The following MFF variants were observed in gnomAD, a reference collection of about 807,000 sequenced individuals.
MFF encodes chromosome 2 open reading frame 33.
In MFF, 12 loss-of-function variants were observed where a neutral mutation model predicts 36.9. The observed-to-expected ratio is 0.33, with a 90% confidence interval of 0.21 to 0.53. MFF has a LOEUF of 0.53. Among genes scored for constraint, MFF ranks in the 20% least tolerant of loss-of-function variants. MFF has a pLI of 0.95. For missense variants in MFF, 348 were observed against 366.6 expected, an observed-to-expected ratio of 0.95 and a Z score of 0.42; for synonymous variants, 99 against 126.2, an observed-to-expected ratio of 0.78 and a Z score of 1.44.
chr2:227,348,563 C>T (rs1428399385), intron 6 of MFF, among the ~76,000 whole-genome samples: 2 of 152,130 alleles, frequency 1.3e-5, no homozygotes, highest in African/African-American at 4.8e-5. Context: ...GGTTTAGACT[C>T]CCTTTTATGC....
intron 4 of MFF, among the ~76,000 whole-genome samples, chr2:227,337,778 G>A (rs538583072): frequency 6.6e-6 from 1 of 152,338 alleles, no homozygotes; most frequent in East Asian, 1.9e-4. Context: ...GCCAGGCACA[G>A]TGGCTCACAT....
chr2:227,341,700 T>A (rs1412422882), intron 5 of MFF, among the ~76,000 whole-genome samples: 4 of 152,160 alleles, frequency 2.6e-5, no homozygotes, highest in Non-Finnish European at 5.9e-5. Context: ...GGCTTCTTGA[T>A]CTGCTTTAGA....
At chr2:227,350,084 A>G (rs1320142742) in intron 6 of MFF, among the ~76,000 whole-genome samples, 1 of 152,108 alleles carries the variant, frequency 6.6e-6, no homozygotes, top group Non-Finnish European at 1.5e-5. Context: ...TTTTTTTCTT[A>G]CAAGAATGTA....
intron 3 of MFF, among the ~76,000 whole-genome samples, chr2:227,331,566 AAAACTGCT>A (rs1254590678): frequency 6.6e-6 from 1 of 152,226 alleles, no homozygotes; most frequent in African/African-American, 2.4e-5. Flanking sequence ...TCAACTTTGA[AAAACTGCT>A]AAACTGTTTT....
chr2:227,348,877 G>GT (rs777313689), intron 6 of MFF, among the ~76,000 whole-genome samples: 5 of 152,038 alleles, frequency 3.3e-5, no homozygotes, highest in Non-Finnish European at 5.9e-5. Context: ...ATTTAGTATG[G>GT]TAGGAGATCT....
chr2:227,343,621 A>AGTG (rs1026399826), intron 5 of MFF, among the ~76,000 whole-genome samples: 2 of 152,162 alleles, frequency 1.3e-5, no homozygotes, highest in Non-Finnish European at 2.9e-5. Context: ...TTTTTGGAAG[A>AGTG]GTGATACCTC....
At chr2:227,332,682 GTC>G (rs2074689672) in intron 4 of MFF, 94 bp downstream of exon 4, 2 of 879,668 alleles carry the variant, frequency 2.3e-6, no homozygotes, top group Non-Finnish European at 3.4e-6. Context: ...TTAGCAATAT[GTC>G]ATGAAAGCTT....
chr2:227,347,296 T>G lies in MFF; in HGVS notation c.511T>G (p.Ser171Ala). The G allele has an allele frequency of 6.2e-7, 1 of 1,613,826 alleles. No individual in the cohort carries two copies. Among genetic ancestry groups the G allele is most frequent in the Non-Finnish European group, 8.5e-7 (1 of 1,179,740 alleles). ...HMLPEDGANLSSARGILSLIQ... is the reference protein window; with the variant it reads ...HMLPEDGANLASARGILSLIQ... ...GTTACCTGAAGATGGAGCTAATCTT[T>G]CCTCTGCTCGTGGCATTTTGTCGCT... is the stretch of plus-strand genomic sequence containing the variant. Residue 171 changes from serine (S) to alanine (A), a missense_variant, in exon 6 of 9, where the codon TCC becomes GCC. Coordinates refer to ENST00000304593, the MANE Select transcript of MFF (RefSeq NM_001277062.2).
chr2:227,340,213 C>T lies in MFF; in HGVS notation c.352-79C>T, dbSNP rs4420693. 1,109,502 of 1,196,666 alleles carry T rather than the reference C, an allele frequency of 0.93. 517,327 individuals carry two copies. Among genetic ancestry groups the T allele is most frequent in the Non-Finnish European group, 0.96 (789,117 of 824,526 alleles). The allele number at this position is 1,196,666 out of a possible 1,614,324, so 74.1% of individuals were successfully genotyped here. A position where few individuals can be genotyped will look rare whatever the true frequency, so the allele number is the denominator to read the frequency against. On this transcript the variant is annotated intron_variant, in intron 4 of 8. Coordinates refer to ENST00000304593, the MANE Select transcript of MFF (RefSeq NM_001277062.2). The stretch of plus-strand genomic sequence containing the variant: ...GTAAGTTTTTTGAGTAGCCTTGTAT[C>T]GAGGTTCTTTTGATGCTAAGCAGCT...
At chr2:227,345,727 C>T (rs2075674155) in intron 5 of MFF, among the ~76,000 whole-genome samples, 1 of 152,042 alleles carries the variant, frequency 6.6e-6, no homozygotes, top group Non-Finnish European at 1.5e-5. Flanking sequence ...TTCTGGAATG[C>T]CTGGTATGGG....
chr2:227,356,273 G>A (rs200221694), intron 8 of MFF, among the ~76,000 whole-genome samples: 28 of 152,232 alleles, frequency 1.8e-4, no homozygotes, highest in Middle Eastern at 6.8e-3. Flanking sequence ...TTCTCATTGC[G>A]TCTATACCAA....
intron 4 of MFF, 84 bp downstream of exon 4, chr2:227,332,672 T>G: frequency 2.0e-6 from 2 of 987,602 alleles, no homozygotes; most frequent in Middle Eastern, 2.2e-4. Context: ...TATCATATCT[T>G]TAGCAATATG....
chr2:227,330,566 C>G, intron 2 of MFF, 60 bp from the exon 3 acceptor site: 1 of 1,147,028 alleles, frequency 8.7e-7, no homozygotes, highest in South Asian at 1.5e-5. Context: ...TCTAACTTCA[C>G]TGCGTAGAGG....
chr2:227,330,776 A>G lies in MFF; in HGVS notation c.111A>G (p.Glu37=), dbSNP rs534657083. 1.9e-6 allele frequency: 3 copies of G among 1,614,190 alleles called. No homozygotes were observed. The highest frequency in any genetic ancestry group is 1.7e-5 in the Admixed American group (1 of 60,030). The change falls in exon 3 of 9, where the codon GAA becomes GAG. Residue 37 remains glutamate (E), a synonymous_variant. Transcript: ENST00000304593. ...TAGCACCGCCAAACGCTGACCTGGA[A>G]CAAGGATTCCAAGAAGGAGTTCCAA... ...LKVAPPNADL[E]QGFQEGVPNA...
intron 5 of MFF, 29 bp from the exon 6 acceptor site, chr2:227,347,197 C>T: frequency 6.3e-7 from 1 of 1,592,478 alleles, no homozygotes; most frequent in Non-Finnish European, 8.6e-7. Context: ...GAGTGTTTTT[C>T]TCTTCATTTG....
Position 227,335,060 on chromosome 2 carries a change from A to G in MFF, c.351+2472A>G, listed in dbSNP as rs57219115. The stretch of plus-strand genomic sequence containing the variant: ...GGTGTGGACGCCTGTAATCCCAGCT[A>G]CTCTGGAGGGGGAGGCAGGAGAATC... On this transcript the variant is annotated intron_variant, in intron 4 of 8. Transcript: ENST00000304593. Among the ~76,000 whole-genome samples the G allele has an allele frequency of 4.8e-3, 731 of 151,306 alleles. 8 individuals carry two copies. The highest frequency in any genetic ancestry group is 0.017 in the African/African-American group (688 of 41,188).
rs572787657 is a variant in MFF at position 227,331,959 on chromosome 2, A to ATATTTTTTTTTTTTTTTTTTTTTTTTTTT, written c.182-459_182-458insATTTTTTTTTTTTTTTTTTTTTTTTTTTT. On this transcript the variant is annotated intron_variant, in intron 3 of 8. Transcript: ENST00000304593. The stretch of plus-strand genomic sequence containing the variant: ...AGTGAAATGTCAATACGCTGGAAGC[A>ATATTTTTTTTTTTTTTTTTTTTTTTTTTT]TTTTTTTTTTTTTTTTTTTTTTTTT... Among the ~76,000 whole-genome samples, 4 of 76,842 alleles carry ATATTTTTTTTTTTTTTTTTTTTTTTTTTT rather than the reference A, an allele frequency of 5.2e-5. 2 individuals are homozygous for ATATTTTTTTTTTTTTTTTTTTTTTTTTTT. Among genetic ancestry groups the ATATTTTTTTTTTTTTTTTTTTTTTTTTTT allele is most frequent in the African/African-American group, 1.8e-4 (4 of 21,946 alleles). 50.4% of individuals were successfully genotyped at this position (76,842 alleles called of 152,430 possible).
At chr2:227,332,637 G>A (rs2106356283) in intron 4 of MFF, 49 bp downstream of exon 4, 8 of 1,455,622 alleles carry the variant, frequency 5.5e-6, no homozygotes, top group Non-Finnish European at 7.5e-6. Flanking sequence ...GTAGACAAAG[G>A]TAAAAGAGAA....
chr2:227,347,124 G>A (rs1241516657), intron 5 of MFF, 102 bp from the exon 6 acceptor site: 3 of 975,926 alleles, frequency 3.1e-6, no homozygotes, highest in Non-Finnish European at 4.7e-6. Flanking sequence ...TGGGAAAGGG[G>A]CAAGAACACT....
Sources: gnomAD v4.1 joint callset for allele counts (sites outside exome capture counted in the v4.1 genomes callset) on GRCh38, gnomAD v4.1.1 for gene constraint, MANE v1.5 for transcripts, NCBI Gene and HGNC (gene_info 2026-07-23, HGNC 2026-07-21) for gene names.